The following COLGALT1 variants were observed in gnomAD, a reference collection of about 807,000 sequenced individuals.
COLGALT1 encodes procollagen galactosyltransferase 1.
COLGALT1 carries 43 observed loss-of-function variants against 60.8 expected under a neutral mutation model. The observed-to-expected ratio is 0.71, with a 90% confidence interval of 0.55 to 0.91. COLGALT1 has a LOEUF of 0.91. Among genes scored for constraint, COLGALT1 ranks in the 40% least tolerant of loss-of-function variants. The pLI is 0.00. For missense variants in COLGALT1, 845 were observed against 880.0 expected (o/e 0.96, Z 0.50); for synonymous variants, 369 against 374.2 (o/e 0.99, Z 0.16).
intron 3 of COLGALT1, among the ~76,000 whole-genome samples, chr19:17,561,080 C>T (rs1445063132): frequency 6.6e-6 from 1 of 151,126 alleles, no homozygotes; most frequent in Admixed American, 6.6e-5. Flanking sequence ...TGGCAGGTGC[C>T]TGTAATCCCG....
chr19:17,560,349 T>A lies in COLGALT1; in HGVS notation c.373T>A (p.Ser125Thr). ...VEWRPAEEPR[S>T]YPDEEGPKHW... ...CACATCACAGCTGCCTCCCCATAGG[T>A]CCTACCCGGACGAGGAAGGCCCGAA... The change falls in exon 3 of 12, where the codon TCC (serine) becomes ACC (threonine). Residue 125 changes from serine (S) to threonine (T), a missense_variant and splice_region_variant. Ser to Thr is a moderately conservative substitution (Grantham distance 58). Transcript: ENST00000252599. 1 of 1,613,426 alleles carries A rather than the reference T, an allele frequency of 6.2e-7. No homozygotes were observed. Among genetic ancestry groups the A allele is most frequent in the Non-Finnish European group, 8.5e-7 (1 of 1,179,658 alleles).
intron 6 of COLGALT1, among the ~76,000 whole-genome samples, chr19:17,574,085 T>A (rs1010525896): frequency 5.3e-5 from 8 of 152,060 alleles, no homozygotes; most frequent in African/African-American, 1.5e-4. Context: ...TAATTGAGGT[T>A]GTCTAGGGAT....
At chr19:17,572,345 T>G in intron 5 of COLGALT1, 138 bp from the exon 6 acceptor site, 1 of 1,262,226 alleles carries the variant, frequency 7.9e-7, no homozygotes, top group Non-Finnish European at 1.1e-6. Context: ...GGTCTTGCTC[T>G]GTTGCCCAGG....
Position 17,564,820 on chromosome 19 carries a change from C to T in COLGALT1, c.490-2586C>T, listed in dbSNP as rs138375035. Among the ~76,000 whole-genome samples, 463 of 152,180 alleles carry T rather than the reference C, an allele frequency of 3.0e-3. 1 individual carries two copies. The highest frequency in any genetic ancestry group is 4.9e-3 in the Non-Finnish European group (331 of 68,012). On this transcript the variant is annotated intron_variant, in intron 3 of 11. Coordinates refer to ENST00000252599, the MANE Select transcript of COLGALT1 (RefSeq NM_024656.4). Reference sequence around the variant, plus strand: ...ACATATATATTTATTTGTTTTGCAACCACCACCTCTAATTCTAGAACATTT... The same window carrying T: ...ACATATATATTTATTTGTTTTGCAATCACCACCTCTAATTCTAGAACATTT...
intron 1 of COLGALT1, chr19:17,556,553 A>C: frequency 1.0e-6 from 1 of 985,134 alleles, no homozygotes; most frequent in South Asian, 4.7e-5. Flanking sequence ...CTTGGTAGGG[A>C]ATGGGGCAGA....
chr19:17,579,795 G>A (rs1273346589), intron 10 of COLGALT1, among the ~76,000 whole-genome samples, 186 bp downstream of exon 10: 4 of 152,068 alleles, frequency 2.6e-5, no homozygotes, highest in South Asian at 2.1e-4. Flanking sequence ...GCTGGGAGGC[G>A]GAGTGGAGCT....
At position 17,568,508 on chromosome 19, in the gene COLGALT1, G is replaced by A. The variant is rs1442208552; in HGVS notation, c.625-1G>A. The A allele has an allele frequency of 1.2e-6, 2 of 1,613,768 alleles. No individual in the cohort carries two copies. The highest frequency in any genetic ancestry group is 2.2e-5 in the East Asian group (1 of 44,880). On this transcript the variant is annotated splice_acceptor_variant, in intron 4 of 11. Transcript: ENST00000252599. LOFTEE classifies it high-confidence loss of function. ...GCGGAACTCTCGCTCTCTCCCCACA[G>A]GGCTACTACAAGCGCACACCTGCCT...
chr19:17,560,984 C>T (rs2076245595), intron 3 of COLGALT1, among the ~76,000 whole-genome samples: 1 of 151,894 alleles, frequency 6.6e-6, no homozygotes, highest in Non-Finnish European at 1.5e-5. Context: ...GCGGGTGGAT[C>T]ACTTGAGGTC....
At chr19:17,557,120 A>C (rs1299269265) in intron 1 of COLGALT1, among the ~76,000 whole-genome samples, 1 of 152,152 alleles carries the variant, frequency 6.6e-6, no homozygotes, top group African/African-American at 2.4e-5. Flanking sequence ...ACTACGGTCA[A>C]ACTAAACTCC....
intron 9 of COLGALT1, 52 bp downstream of exon 9, chr19:17,578,141 G>A (rs1358815749): frequency 6.7e-7 from 1 of 1,495,880 alleles, no homozygotes; most frequent in Non-Finnish European, 8.9e-7. Context: ...GATCTCATCG[G>A]AGATTTGGAC....
intron 9 of COLGALT1, among the ~76,000 whole-genome samples, chr19:17,578,382 A>G (rs2076358005): frequency 6.6e-6 from 1 of 151,842 alleles, no homozygotes; most frequent in African/African-American, 2.4e-5. Context: ...AATCCTCATT[A>G]CTCCCAGCCT....
At chr19:17,559,053 T>G (rs751784143) in intron 1 of COLGALT1, among the ~76,000 whole-genome samples, 3 of 151,596 alleles carry the variant, frequency 2.0e-5, no homozygotes, top group Non-Finnish European at 4.4e-5. Context: ...CCCAGCTACT[T>G]GGGAGGCTGA....
At chr19:17,556,034 T>C in intron 1 of COLGALT1, 61 bp downstream of exon 1, 1 of 1,271,196 alleles carries the variant, frequency 7.9e-7, no homozygotes, top group Non-Finnish European at 9.9e-7. Flanking sequence ...GCTGTCCCCA[T>C]AGGGGTGGGT....
At position 17,568,683 on chromosome 19, in the gene COLGALT1, A is replaced by G. The variant is rs1489317357; in HGVS notation, c.799A>G (p.Ile267Val). ...PDYTWSFDDIIVFAFSCKQAE... is the reference protein window; with the variant it reads ...PDYTWSFDDIVVFAFSCKQAE... The stretch of plus-strand genomic sequence containing the variant: ...CTACACCTGGTCCTTTGACGACATC[A>G]TCGTCTTTGCCTTCTCCTGCAAGCA... The change falls in exon 5 of 12, where the codon ATC becomes GTC. Residue 267 changes from isoleucine to valine, a missense_variant. By Grantham distance (29) the Ile-to-Val change is conservative (BLOSUM62 3). Coordinates refer to ENST00000252599, the MANE Select transcript of COLGALT1 (RefSeq NM_024656.4). 5.0e-6 allele frequency: 8 copies of G among 1,614,158 alleles called. No homozygotes were observed. In the South Asian group the frequency reaches 5.5e-5, roughly 11 times the overall value.
At chr19:17,576,158 G>A (rs764979518) in intron 6 of COLGALT1, among the ~76,000 whole-genome samples, 1 of 152,198 alleles carries the variant, frequency 6.6e-6, no homozygotes, top group Admixed American at 6.5e-5. Context: ...GGGGCCCAGT[G>A]TGAGCAGACA....
rs372447597 is a variant in COLGALT1, at chr19:17,581,477, G to C, written c.*33G>C. ...CAGCCAGAAAGCCAAAGCAGCCATC[G>C]GTGGCCCAGGCTCCACGTGCTTACT... On this transcript the variant is annotated 3_prime_UTR_variant, in exon 12 of 12. Transcript: ENST00000252599. The C allele has an allele frequency of 6.3e-7, 1 of 1,587,626 alleles. No homozygotes were observed. Among genetic ancestry groups the C allele is most frequent in the South Asian group, 1.1e-5 (1 of 88,700 alleles).
Position 17,578,003 on chromosome 19 carries a change from C to G in COLGALT1, c.1180C>G (p.Pro394Ala), listed in dbSNP as rs2076355042. ...QVEALGIQML[P>A]GYRDPYHGRP... is the part of the protein sequence containing the mutation. Reference sequence around the variant, plus strand: ...GGAGGCGCTGGGGATCCAGATGCTGCCTGGCTACCGGGACCCCTACCACGG... The same window carrying G: ...GGAGGCGCTGGGGATCCAGATGCTGGCTGGCTACCGGGACCCCTACCACGG... The change falls in exon 9 of 12, where the codon CCT becomes GCT. Residue 394 changes from proline (P) to alanine (A), a missense_variant. Transcript: ENST00000252599. 6.2e-7 allele frequency: 1 copy of G among 1,612,448 alleles called. No homozygotes were observed. The highest frequency in any genetic ancestry group is 1.3e-5 in the African/African-American group (1 of 74,856).
At position 17,564,822 on chromosome 19, in the gene COLGALT1, A is replaced by G. The variant is rs183067673; in HGVS notation, c.490-2584A>G. Among the ~76,000 whole-genome samples the G allele has an allele frequency of 4.8e-3, 733 of 152,200 alleles. 3 individuals are homozygous for G. Among genetic ancestry groups the G allele is most frequent in the Non-Finnish European group, 6.3e-3 (430 of 68,022 alleles). On this transcript the variant is annotated intron_variant, in intron 3 of 11. Coordinates refer to ENST00000252599, the MANE Select transcript of COLGALT1 (RefSeq NM_024656.4). ...ATATATATTTATTTGTTTTGCAACC[A>G]CCACCTCTAATTCTAGAACATTTTC...
In COLGALT1 at chr19:17,568,502, C is replaced by T. The variant is rs755833630; in HGVS notation, c.625-7C>T. ...CCCTACGCGGAACTCTCGCTCTCTCCCCACAGGGCTACTACAAGCGCACAC... is the reference window on the plus strand; with the variant it reads ...CCCTACGCGGAACTCTCGCTCTCTCTCCACAGGGCTACTACAAGCGCACAC... On this transcript the variant is annotated splice_polypyrimidine_tract_variant and splice_region_variant and intron_variant, in intron 4 of 11. Coordinates refer to ENST00000252599, the MANE Select transcript of COLGALT1 (RefSeq NM_024656.4). 1 of 1,613,308 alleles carries T rather than the reference C, an allele frequency of 6.2e-7. No homozygotes were observed. The highest frequency in any genetic ancestry group is 1.1e-5 in the South Asian group (1 of 91,066).
Sources: gnomAD v4.1 joint callset for allele counts (sites outside exome capture counted in the v4.1 genomes callset) on GRCh38, gnomAD v4.1.1 for gene constraint, MANE v1.5 for transcripts, NCBI Gene and HGNC (gene_info 2026-07-23, HGNC 2026-07-21) for gene names.